Variants in PRSS1 observed in about 807,000 individuals in gnomAD.
PRSS1 encodes serine protease 1, also known as TCR V beta 4.1.
A neutral mutation model predicts 24.2 loss-of-function variants in PRSS1; 22 were observed. The ratio of observed to expected loss-of-function variants is 0.91; its 90% CI spans 0.65 to 1.30. PRSS1 has a LOEUF of 1.30. Among genes scored for constraint, PRSS1 ranks in the 50% most tolerant of loss-of-function variants. PRSS1 has a pLI of 0.00. For synonymous variants in PRSS1, 126 were observed against 116.1 expected (o/e 1.08, Z -0.55); for missense variants, 366 against 304.2 (o/e 1.20, Z -1.51).
intron 2 of PRSS1, chr7:142,751,405 C>T (rs1327515482): frequency 1.7e-6 from 1 of 573,844 alleles, no homozygotes; most frequent in Non-Finnish European, 3.1e-6. Flanking sequence ...GGAACAGGCA[C>T]TGTGCACAGT....
intron 2 of PRSS1, chr7:142,751,288 C>G (rs1392722502): frequency 1.7e-6 from 1 of 603,060 alleles, no homozygotes; most frequent in Middle Eastern, 4.4e-4. Context: ...GGGGTAAGGA[C>G]CAAGAATTCA....
intron 2 of PRSS1, 64 bp downstream of exon 2, chr7:142,750,778 C>T (rs749522227): frequency 1.2e-6 from 2 of 1,608,674 alleles, no homozygotes; most frequent in African/African-American, 1.3e-5. Context: ...TTGGCTTCAG[C>T]CCAGGGAACT....
intron 3 of PRSS1, 66 bp from the exon 4 acceptor site, chr7:142,752,365 T>G: frequency 6.3e-7 from 1 of 1,581,010 alleles, no homozygotes. Flanking sequence ...CCATCCAAGA[T>G]TATTGTCTCC....
In PRSS1 at chr7:142,750,746, C is replaced by T. The variant is rs182426777; in HGVS notation, c.200+32C>T. Reference sequence around the variant, plus strand: ...GTGGGGCCCCCGACTGCAAAGCTCCCGGCCAGTCTGCCTGGGAGAGCTTGG... The same window carrying T: ...GTGGGGCCCCCGACTGCAAAGCTCCTGGCCAGTCTGCCTGGGAGAGCTTGG... On this transcript the variant is annotated intron_variant, in intron 2 of 4. Coordinates refer to ENST00000311737, the MANE Select transcript of PRSS1 (RefSeq NM_002769.5). 5.7e-3 allele frequency: 9,143 copies of T among 1,613,720 alleles called. 54 individuals carry two copies. The highest frequency in any genetic ancestry group is 6.9e-3 in the Non-Finnish European group (8,161 of 1,179,728).
rs1326619433 is a variant in PRSS1 at position 142,750,536 on chromosome 7, C to T, written c.41-19C>T. 1 of 1,614,012 alleles carries T rather than the reference C, an allele frequency of 6.2e-7. No individual in the cohort carries two copies. The highest frequency in any genetic ancestry group is 1.1e-5 in the South Asian group (1 of 91,064). On this transcript the variant is annotated intron_variant, in intron 1 of 4. Coordinates refer to ENST00000311737, the MANE Select transcript of PRSS1 (RefSeq NM_002769.5). The stretch of plus-strand genomic sequence containing the variant: ...AACATGCTATTGACTTGCCTTCTCC[C>T]TTCCCATCTCCACTCCAGTTGCTGC...
intron 3 of PRSS1, 148 bp from the exon 4 acceptor site, chr7:142,752,283 T>G: frequency 7.6e-7 from 1 of 1,318,534 alleles, no homozygotes; most frequent in South Asian, 1.2e-5. Flanking sequence ...TTCTGGGAAC[T>G]AAAAGCCAGA....
rs545007137 is a variant in PRSS1, at chr7:142,751,855, C to T, written c.282C>T (p.Ile94=). The T allele has an allele frequency of 2.5e-6, 4 of 1,614,076 alleles. No individual in the cohort carries two copies. The highest frequency in any genetic ancestry group is 2.2e-5 in the East Asian group (1 of 44,874). The part of the protein sequence containing the change: ...NEQFINAAKI[I]RHPQYDRKTL... The stretch of plus-strand genomic sequence containing the variant: ...AGTTCATCAATGCAGCCAAGATCAT[C>T]CGCCACCCCCAATACGACAGGAAGA... The change falls in exon 3 of 5, where the codon ATC becomes ATT. Residue 94 remains isoleucine, a synonymous_variant. Coordinates refer to ENST00000311737, the MANE Select transcript of PRSS1 (RefSeq NM_002769.5).
chr7:142,750,704 T>G lies in PRSS1; in HGVS notation c.190T>G (p.Cys64Gly), dbSNP rs1798627075. ...ACAGTGGGTGGTATCAGCAGGCCAC[T>G]GCTACAAGTCGTAAGTGTGGGGCCC... ...NEQWVVSAGH[C>G]YKSRIQVRLG... Residue 64 changes from cysteine to glycine, a missense_variant, in exon 2 of 5, where the codon TGC (cysteine) becomes GGC (glycine). Cys to Gly is a radical substitution (Grantham distance 159, BLOSUM62 -3). Transcript: ENST00000311737. The G allele has an allele frequency of 7.4e-6, 12 of 1,613,892 alleles. No homozygotes were observed. Among genetic ancestry groups the G allele is most frequent in the Non-Finnish European group, 1.0e-5 (12 of 1,179,816 alleles).
At chr7:142,750,529 C>T (rs764624429) in intron 1 of PRSS1, 26 bp from the exon 2 acceptor site, 15 of 1,613,890 alleles carry the variant, frequency 9.3e-6, no homozygotes, top group Non-Finnish European at 1.3e-5. Context: ...ATTGACTTGC[C>T]TTCTCCCTTC....
rs779657242 is a variant in PRSS1, at chr7:142,752,581, C to A, written c.591+14C>A. The A allele has an allele frequency of 1.1e-5, 17 of 1,614,140 alleles. No homozygotes were observed. The Admixed American group carries it at 2.3e-4, about 22-fold the overall frequency. On this transcript the variant is annotated intron_variant, in intron 4 of 4. Transcript: ENST00000311737. Reference sequence around the variant, plus strand: ...GATTCATGTCAGGTGATTTGACCAACCCTTCCCATGCTGAGGCTCCCACTG... The same window carrying A: ...GATTCATGTCAGGTGATTTGACCAAACCTTCCCATGCTGAGGCTCCCACTG...
At chr7:142,749,654 C>T (rs374538463) in intron 1 of PRSS1, 130 bp downstream of exon 1, 1 of 1,248,662 alleles carries the variant, frequency 8.0e-7, no homozygotes, top group Admixed American at 1.7e-5. Flanking sequence ...TGGCATATCT[C>T]CTTCCCATCC....
At chr7:142,752,719 T>C in intron 4 of PRSS1, 149 bp from the exon 5 acceptor site, 2 of 1,503,428 alleles carry the variant, frequency 1.3e-6, no homozygotes, top group Non-Finnish European at 1.8e-6. Flanking sequence ...GGCTGCATCT[T>C]GTCTGCTTAG....
In PRSS1 at chr7:142,752,500, AC is replaced by A. The variant is rs1181629887; in HGVS notation, c.527del (p.Pro176LeufsTer61). 6.2e-7 allele frequency: 1 copy of A among 1,614,046 alleles called. No homozygotes were observed. The highest frequency in any genetic ancestry group is 8.5e-7 in the Non-Finnish European group (1 of 1,180,016). On this transcript the variant is annotated frameshift_variant, in exon 4 of 5. Coordinates refer to ENST00000311737, the MANE Select transcript of PRSS1 (RefSeq NM_002769.5). LOFTEE classifies it high-confidence loss of function. ...AGCCAGGCTAAGTGTGAAGCCTCCT[AC>A]CCTGGAAAGATTACCAGCAACATGT... ...VLSQAKCEAS[Y>X]PGKITSNMFC...
rs1284519697 is a variant in PRSS1, at chr7:142,751,649, G to A, written c.201-125G>A. ...ATCCCTCTGCTGCCCATGCGATATGGCCACACACCCCACCCCATGCCTCCA... is the reference window on the plus strand; with the variant it reads ...ATCCCTCTGCTGCCCATGCGATATGACCACACACCCCACCCCATGCCTCCA... On this transcript the variant is annotated intron_variant, in intron 2 of 4. Coordinates refer to ENST00000311737, the MANE Select transcript of PRSS1 (RefSeq NM_002769.5). 7.3e-6 allele frequency: 10 copies of A among 1,365,662 alleles called. No individual in the cohort carries two copies. The Admixed American group carries it at 2.0e-4, about 27-fold the overall frequency. The allele number at this position is 1,365,662 out of a possible 1,614,324, so 84.6% of individuals were successfully genotyped here. A position where few individuals can be genotyped will look rare whatever the true frequency, so the allele number is the denominator to read the frequency against.
chr7:142,749,490 T>A lies in PRSS1; in HGVS notation c.6T>A (p.Asn2Lys), dbSNP rs140591237. The A allele has an allele frequency of 1.1e-5, 17 of 1,613,996 alleles. No homozygotes were observed. The highest frequency in any genetic ancestry group is 1.4e-5 in the Non-Finnish European group (17 of 1,180,020). Residue 2 changes from asparagine to lysine, a missense_variant, in exon 1 of 5, where the codon AAT becomes AAA. Physicochemically the swap from Asn to Lys is moderately conservative, Grantham distance 94. Transcript: ENST00000311737. M[N>K]PLLILTFVAA... ...GTCAGGCACACTCTACCACCATGAA[T>A]CCACTCCTGATCCTTACCTTTGTGG...
At chr7:142,751,668 G>A in intron 2 of PRSS1, 106 bp from the exon 3 acceptor site, 2 of 1,607,494 alleles carry the variant, frequency 1.2e-6, no homozygotes, top group Non-Finnish European at 8.5e-7. Context: ...CCCACCCCAT[G>A]CCTCCAGAGC....
chr7:142,751,052 C>T (rs1303011742), intron 2 of PRSS1: 3 of 703,092 alleles, frequency 4.3e-6, no homozygotes, highest in South Asian at 1.5e-5. Context: ...AATACAGATG[C>T]CTTTGTCCTA....
At chr7:142,752,588 C>T in intron 4 of PRSS1, 21 bp downstream of exon 4, 2 of 1,614,160 alleles carry the variant, frequency 1.2e-6, no homozygotes, top group Non-Finnish European at 1.7e-6. Context: ...CAACCCTTCC[C>T]ATGCTGAGGC....
chr7:142,751,127 C>A, intron 2 of PRSS1: 1 of 702,360 alleles, frequency 1.4e-6, no homozygotes, highest in Non-Finnish European at 2.6e-6. Context: ...ATTTTACACT[C>A]TACCTCTGCT....
Sources: gnomAD v4.1 joint callset for allele counts on GRCh38, gnomAD v4.1.1 for gene constraint, MANE v1.5 for transcripts, NCBI Gene and HGNC (gene_info 2026-07-23, HGNC 2026-07-21) for gene names.